SON: variants seen among roughly 807,000 people sequenced by gnomAD.
The protein encoded by SON is SON DNA and RNA binding protein, also known as protein SON.
A neutral mutation model predicts 173.3 loss-of-function variants in SON; 4 were observed. The observed-to-expected ratio is 0.02, with a 90% CI of 0.01 to 0.05. SON has a LOEUF of 0.05. Ranked by LOEUF, SON falls within the 10% of genes least tolerant of loss-of-function variation. The pLI is 1.00. For synonymous variants in SON, 1,190 were observed against 1,105.9 expected, an observed-to-expected ratio of 1.08 and a Z score of -1.51; for missense variants, 2,626 against 3,055.3, an observed-to-expected ratio of 0.86 and a Z score of 3.31.
chr21:33,573,951 C>A (rs1402346617), intron 9 of SON, among the ~76,000 whole-genome samples: 2 of 152,110 alleles, frequency 1.3e-5, no homozygotes, highest in Non-Finnish European at 2.9e-5. Flanking sequence ...GTATAGTAGA[C>A]CAGCTGCTGA....
chr21:33,550,360 G>A lies in SON; in HGVS notation c.1129G>A (p.Val377Met), dbSNP rs1188244324. Residue 377 changes from valine to methionine, a missense_variant, in exon 3 of 12, where the codon GTG (valine) becomes ATG (methionine). Val to Met is a conservative substitution (Grantham distance 21). This residue lies in a region of SON where 757 missense variants were observed against 730.1 expected (regional missense o/e 1.04). Transcript: ENST00000356577. ...AGCGTTGGAGCTGCAGGAGTCGTCG[G>A]TGGCCTCAGCGATGGAGTTGCCGGG... ...TTALELQESS[V>M]ASAMELPGPP... The A allele has an allele frequency of 1.9e-6, 3 of 1,614,016 alleles. No homozygotes were observed. The highest frequency in any genetic ancestry group is 2.5e-6 in the Non-Finnish European group (3 of 1,180,046).
chr21:33,573,642 CACCAG>C (rs1165922259), intron 9 of SON, among the ~76,000 whole-genome samples, 187 bp downstream of exon 9: 1 of 152,120 alleles, frequency 6.6e-6, no homozygotes, highest in Non-Finnish European at 1.5e-5. Flanking sequence ...TGGATAGAGA[CACCAG>C]TTTGAACTTT....
chr21:33,546,165 A>C (rs2085609494), intron 1 of SON, 48 bp from the exon 2 acceptor site: 1 of 1,479,872 alleles, frequency 6.8e-7, no homozygotes, highest in East Asian at 2.4e-5. Flanking sequence ...TTTTTTTATT[A>C]ATGGTATGAT....
At position 33,548,575 on chromosome 21, in the gene SON, A is replaced by G. The variant is rs185748821; in HGVS notation, c.245-901A>G. On this transcript the variant is annotated intron_variant, in intron 2 of 11. Coordinates refer to ENST00000356577, the MANE Select transcript of SON (RefSeq NM_138927.4). Reference sequence around the variant, plus strand: ...CTTTGTTGAAAGCTTATTCTGTGCCAGGCATTATTTGATGTACTTTGCATG... The same window carrying G: ...CTTTGTTGAAAGCTTATTCTGTGCCGGGCATTATTTGATGTACTTTGCATG... 4.0e-3 allele frequency among the ~76,000 whole-genome samples: 603 copies of G among 152,346 alleles called. 4 individuals are homozygous for G. The highest frequency in any genetic ancestry group is 0.014 in the African/African-American group (579 of 41,570).
chr21:33,543,213 C>A, intron 1 of SON, 44 bp downstream of exon 1: 1 of 1,484,800 alleles, frequency 6.7e-7, no homozygotes, highest in Non-Finnish European at 9.4e-7. Context: ...GACCGTTAGG[C>A]CCTCACCTAG....
chr21:33,558,009 G>T, intron 4 of SON: 1 of 169,992 alleles, frequency 5.9e-6, no homozygotes, highest in Non-Finnish European at 1.3e-5. Context: ...AAATATTGCT[G>T]CTAGGATCCA....
At chr21:33,566,696 G>A (rs1257240386) in intron 6 of SON, among the ~76,000 whole-genome samples, 1 of 152,070 alleles carries the variant, frequency 6.6e-6, no homozygotes, top group Non-Finnish European at 1.5e-5. Flanking sequence ...GATCATAGTG[G>A]TTTTCTGCTT....
intron 7 of SON, 75 bp downstream of exon 7, chr21:33,567,342 TA>T: frequency 1.2e-6 from 1 of 820,096 alleles, no homozygotes; most frequent in South Asian, 1.4e-5. Context: ...TTTTAATGTC[TA>T]AATAAGAATT....
intron 4 of SON, chr21:33,558,236 T>C (rs1297441543): frequency 6.6e-6 from 1 of 152,292 alleles, no homozygotes; most frequent in African/African-American, 2.4e-5. Flanking sequence ...AAATTTACTC[T>C]TGACCTTTTT....
In SON at chr21:33,547,671, C is replaced by G. The variant is rs57307381; in HGVS notation, c.244+1292C>G. Among the ~76,000 whole-genome samples the G allele has an allele frequency of 1.8e-3, 263 of 144,886 alleles. 2 individuals carry two copies. Among genetic ancestry groups the G allele is most frequent in the African/African-American group, 6.5e-3 (253 of 39,202 alleles). ...AGAAAATGGTAAGTTTTGCTTTGGCCTATGTCAAGTGTTGATTTATTTTCT... is the reference window on the plus strand; with the variant it reads ...AGAAAATGGTAAGTTTTGCTTTGGCGTATGTCAAGTGTTGATTTATTTTCT... On this transcript the variant is annotated intron_variant, in intron 2 of 11. Coordinates refer to ENST00000356577, the MANE Select transcript of SON (RefSeq NM_138927.4).
In SON at chr21:33,553,469, T is replaced by C; in HGVS notation, c.4238T>C (p.Leu1413Pro). ...VTIPVPVVSA[L>P]EPSVPVLEPA... is the part of the protein sequence containing the mutation. ...ATTCCTGTGCCAGTTGTTTCTGCGC[T>C]GGAGCCTTCTGTGCCTGTTCTGGAA... Residue 1413 changes from leucine to proline, a missense_variant, in exon 3 of 12, where the codon CTG becomes CCG. By Grantham distance (98) the Leu-to-Pro change is moderately conservative. This residue lies in a region of SON where 1,006 missense variants were observed against 895.6 expected (regional missense o/e 1.12). Coordinates refer to ENST00000356577, the MANE Select transcript of SON (RefSeq NM_138927.4). The C allele has an allele frequency of 6.2e-7, 1 of 1,614,268 alleles. No homozygotes were observed. Among genetic ancestry groups the C allele is most frequent in the Non-Finnish European group, 8.5e-7 (1 of 1,180,040 alleles).
In SON at chr21:33,565,423, A is replaced by G. The variant is rs1156332946; in HGVS notation, c.6658-1734A>G. ...GTAAGTGTGAGAAGGTTAATGAGAC[A>G]GTACTTGTCGCATCTTGTGTGCCTT... On this transcript the variant is annotated intron_variant, in intron 6 of 11. Transcript: ENST00000356577. Among the ~76,000 whole-genome samples the G allele has an allele frequency of 2.6e-5, 4 of 152,216 alleles. 1 individual carries two copies. The highest frequency in any genetic ancestry group is 6.3e-3 in the Middle Eastern group (2 of 316).
intron 6 of SON, among the ~76,000 whole-genome samples, chr21:33,566,879 T>C (rs1455101372): frequency 6.6e-6 from 1 of 152,088 alleles, no homozygotes; most frequent in Admixed American, 6.5e-5. Flanking sequence ...CTTTCTATGA[T>C]TATAGTTTGA....
chr21:33,552,999 A>G lies in SON; in HGVS notation c.3768A>G (p.Glu1256=), dbSNP rs755189964. The G allele has an allele frequency of 2.5e-6, 4 of 1,614,200 alleles. No individual in the cohort carries two copies. In the Admixed American group the frequency reaches 5.0e-5, roughly 20 times the overall value. The change falls in exon 3 of 12, where the codon GAA becomes GAG. Residue 1256 remains glutamate (E), a synonymous_variant. Coordinates refer to ENST00000356577, the MANE Select transcript of SON (RefSeq NM_138927.4). The surrounding 1 kb of genome is among the most constrained non-coding windows in gnomAD (Gnocchi z 5.6). ...TTCCAGAACCACCACCAGAGCCAGA[A>G]TCTTCAATTACGTTAACACCTGTAG... ...VTVPEPPPEP[E]SSITLTPVES...
At chr21:33,575,368 G>A (rs1179486847) in intron 9 of SON, 1 of 401,762 alleles carries the variant, frequency 2.5e-6, no homozygotes, top group Non-Finnish European at 4.4e-6. Context: ...TTTACATTTG[G>A]TATTTATTAC....
chr21:33,560,365 A>G (rs1360828281), intron 6 of SON: 10 of 1,249,564 alleles, frequency 8.0e-6, no homozygotes, highest in Non-Finnish European at 8.0e-6. Flanking sequence ...TGTTTAACCT[A>G]ATGCTCAGCC....
intron 4 of SON, chr21:33,557,936 G>T: frequency 5.3e-6 from 1 of 189,068 alleles, no homozygotes; most frequent in Non-Finnish European, 1.1e-5. Context: ...TTTCAATTGA[G>T]GCTTTTTTGG....
In SON at chr21:33,553,310, T is replaced by C. The variant is rs779856449; in HGVS notation, c.4079T>C (p.Leu1360Pro). 27 of 1,583,218 alleles carry C rather than the reference T, an allele frequency of 1.7e-5. No homozygotes were observed. The highest frequency in any genetic ancestry group is 5.4e-5 in the African/African-American group (4 of 74,588). The stretch of plus-strand genomic sequence containing the variant: ...CCAGAGTCTTCAGCTATGGCTGTCC[T>C]GGAGTCTTCGGCTGTGACCGTCCTG... ...AAPESSAMAV[L>P]ESSAVTVLES... The change falls in exon 3 of 12, where the codon CTG becomes CCG. Residue 1360 changes from leucine (L) to proline (P), a missense_variant. Transcript: ENST00000356577.
rs192851471 is a variant in SON at position 33,567,177 on chromosome 21, A to T, written c.6678A>T (p.Ala2226=). ...CTTAGCCTGTGGACATCTCTACAGC[A>T]ATGAGTGAACGGGCACTTGCTCAGA... ...LPSEPVDIST[A]MSERALAQKR... is the part of the protein sequence containing the mutation. The change falls in exon 7 of 12, where the codon GCA becomes GCT. Residue 2226 remains alanine (A), a synonymous_variant. Coordinates refer to ENST00000356577, the MANE Select transcript of SON (RefSeq NM_138927.4). The T allele has an allele frequency of 7.6e-5, 122 of 1,605,094 alleles. 2 individuals are homozygous for T. In the Admixed American group the frequency reaches 2.0e-3, roughly 27 times the overall value.
Sources: gnomAD v4.1 joint callset for allele counts (sites outside exome capture counted in the v4.1 genomes callset) on GRCh38, gnomAD v4.1.1 for gene constraint, gnomAD v4.1.1 regional missense constraint, Gnocchi (gnomAD v3.1) non-coding constraint, MANE v1.5 for transcripts, NCBI Gene and HGNC (gene_info 2026-07-23, HGNC 2026-07-21) for gene names.